The following ZC3H6 variants were observed in gnomAD, a reference collection of about 807,000 sequenced individuals.
ZC3H6 encodes the protein zinc finger CCCH-type containing 6.
ZC3H6 carries 40 observed loss-of-function variants against 107.7 expected under a neutral mutation model. The ratio of observed to expected loss-of-function variants is 0.37; its 90% CI spans 0.29 to 0.48. The LOEUF is 0.48. Among genes scored for constraint, ZC3H6 ranks in the 20% least tolerant of loss-of-function variants. ZC3H6 has a pLI of 0.98. For missense variants in ZC3H6, 1,267 were observed against 1,410.4 expected, an observed-to-expected ratio of 0.90 and a Z score of 1.63; for synonymous variants, 493 against 487.9, an observed-to-expected ratio of 1.01 and a Z score of -0.14.
At position 112,326,897 on chromosome 2, in the gene ZC3H6, G is replaced by A. The variant is rs576615056; in HGVS notation, c.2086+1700G>A. 4.1e-4 allele frequency among the ~76,000 whole-genome samples: 63 copies of A among 152,130 alleles called. 1 individual carries two copies. In the Middle Eastern group the frequency reaches 0.017, roughly 41 times the overall value. ...CAAAGTGCTGGGATTACAGGTGTGCGCCACCGTGCCTGGCCATTGTCTGTT... is the reference window on the plus strand; with the variant it reads ...CAAAGTGCTGGGATTACAGGTGTGCACCACCGTGCCTGGCCATTGTCTGTT... On this transcript the variant is annotated intron_variant, in intron 11 of 11. Transcript: ENST00000409871.
At chr2:112,328,663 G>A (rs890605699) in intron 11 of ZC3H6, among the ~76,000 whole-genome samples, 10 of 152,044 alleles carry the variant, frequency 6.6e-5, no homozygotes, top group African/African-American at 1.4e-4. Context: ...TCTTTCAGCC[G>A]GGCGCAGTGG....
chr2:112,289,725 T>C (rs1210616305), intron 1 of ZC3H6, among the ~76,000 whole-genome samples: 1 of 146,620 alleles, frequency 6.8e-6, no homozygotes, highest in Non-Finnish European at 1.5e-5. Flanking sequence ...TTTAAATATT[T>C]TTACCGTTTT....
At position 112,334,412 on chromosome 2, in the gene ZC3H6, A is replaced by G. The variant is rs1677103180; in HGVS notation, c.*1924A>G. On this transcript the variant is annotated 3_prime_UTR_variant, in exon 12 of 12. Transcript: ENST00000409871. Reference sequence around the variant, plus strand: ...CTGTTTACATTTTAAGCATCATACAAAAAAGATAATTTGGCTTGCTAAACA... The same window carrying G: ...CTGTTTACATTTTAAGCATCATACAGAAAAGATAATTTGGCTTGCTAAACA... 1.3e-5 allele frequency: 2 copies of G among 152,134 alleles called. No homozygotes were observed. Among genetic ancestry groups the G allele is most frequent in the Admixed American group, 6.5e-5 (1 of 15,278 alleles). 9.4% of individuals were successfully genotyped at this position (152,134 alleles called of 1,614,324 possible).
chr2:112,314,563 GGT>G (rs139897769), intron 5 of ZC3H6, among the ~76,000 whole-genome samples: 9 of 150,622 alleles, frequency 6.0e-5, no homozygotes, highest in Non-Finnish European at 8.9e-5. Flanking sequence ...CATTTTTCAG[GGT>G]GTGTGTGTGT....
intron 2 of ZC3H6, 107 bp from the exon 3 acceptor site, chr2:112,303,122 A>G: frequency 1.4e-6 from 2 of 1,381,322 alleles, no homozygotes; most frequent in Non-Finnish European, 2.0e-6. Flanking sequence ...TCCTGGAATA[A>G]TATAATCTAC....
At chr2:112,282,556 G>GT (rs1206858046) in intron 1 of ZC3H6, among the ~76,000 whole-genome samples, 1 of 152,130 alleles carries the variant, frequency 6.6e-6, no homozygotes, top group Non-Finnish European at 1.5e-5. Flanking sequence ...CAACAGATTG[G>GT]TAAGTTTCCC....
Position 112,275,818 on chromosome 2 carries a change from G to T in ZC3H6, c.-177G>T. ...CATCTCTCTGGCGTGGTTGTTAATA[G>T]ACTGGAAAGTCTGTGTCTGTGTCGC... On this transcript the variant is annotated 5_prime_UTR_variant, in exon 1 of 12. Transcript: ENST00000409871. 1.9e-6 allele frequency: 1 copy of T among 518,622 alleles called. No individual in the cohort carries two copies. The highest frequency in any genetic ancestry group is 2.7e-5 in the South Asian group (1 of 36,954). The allele number at this position is 518,622 out of a possible 1,614,324, so 32.1% of individuals were successfully genotyped here.
chr2:112,338,853 GTGTATATATATATATATATATATA>G lies in ZC3H6; in HGVS notation c.*6367_*6390del, dbSNP rs1677185164. The G allele has an allele frequency of 1.9e-5, 2 of 106,976 alleles. No homozygotes were observed. Among genetic ancestry groups the G allele is most frequent in the African/African-American group, 5.7e-5 (2 of 34,906 alleles). 6.6% of individuals were successfully genotyped at this position (106,976 alleles called of 1,614,324 possible). On this transcript the variant is annotated 3_prime_UTR_variant, in exon 12 of 12. Coordinates refer to ENST00000409871, the MANE Select transcript of ZC3H6 (RefSeq NM_198581.3). The stretch of plus-strand genomic sequence containing the variant: ...ACTATATATATATGTATGTATATGT[GTGTATATATATATATATATATATA>G]TATATATATATATATATATATATAT...
chr2:112,318,683 AT>A (rs1450583785), intron 7 of ZC3H6, among the ~76,000 whole-genome samples: 1 of 152,176 alleles, frequency 6.6e-6, no homozygotes, highest in Non-Finnish European at 1.5e-5. Flanking sequence ...AAAATGGTGC[AT>A]TCCTATGGAG....
Position 112,324,392 on chromosome 2 carries a change from T to C in ZC3H6, c.1581T>C (p.Gly527=), listed in dbSNP as rs776776999. Reference sequence around the variant, plus strand: ...CACCTGGTCCACCTGAAATTGTAGGTCCTCAAAATCAAGCTGGAGTGCTTG... The same window carrying C: ...CACCTGGTCCACCTGAAATTGTAGGCCCTCAAAATCAAGCTGGAGTGCTTG... ...PLPPGPPEIV[G]PQNQAGVLVQ... The change falls in exon 10 of 12, where the codon GGT becomes GGC. Residue 527 remains glycine (G), a synonymous_variant. Coordinates refer to ENST00000409871, the MANE Select transcript of ZC3H6 (RefSeq NM_198581.3). 3.1e-6 allele frequency: 5 copies of C among 1,613,844 alleles called. No individual in the cohort carries two copies. The African/African-American group carries it at 5.3e-5, about 17-fold the overall frequency.
In ZC3H6 at chr2:112,322,872, C is replaced by A; in HGVS notation, c.1310C>A (p.Thr437Asn). ...CTTTTTGAAATAGTTGTAAAACCTA[C>A]TGTGGATTTAGCGCATAAAATTGGG... is the stretch of plus-strand genomic sequence containing the variant. ...PSLFEIVVKP[T>N]VDLAHKIGRK... Residue 437 changes from threonine (T) to asparagine (N), a missense_variant, in exon 9 of 12, where the codon ACT (threonine) becomes AAT (asparagine). By Grantham distance (65) the Thr-to-Asn change is moderately conservative. This residue lies in a region of ZC3H6 where 925 missense variants were observed against 1,025.7 expected (regional missense o/e 0.90). Transcript: ENST00000409871. The A allele has an allele frequency of 6.2e-7, 1 of 1,606,880 alleles. No homozygotes were observed. Among genetic ancestry groups the A allele is most frequent in the African/African-American group, 1.3e-5 (1 of 74,624 alleles).
chr2:112,278,672 G>GA (rs1045701461), intron 1 of ZC3H6, among the ~76,000 whole-genome samples: 3 of 151,608 alleles, frequency 2.0e-5, no homozygotes, highest in African/African-American at 7.3e-5. Flanking sequence ...GTGTATGCAG[G>GA]AAAAAAAATG....
intron 1 of ZC3H6, among the ~76,000 whole-genome samples, chr2:112,287,375 GT>G (rs1056596103): frequency 6.6e-6 from 1 of 152,126 alleles, no homozygotes; most frequent in African/African-American, 2.4e-5. Context: ...AGCTAATTCA[GT>G]TTGACTTATT....
chr2:112,276,972 T>G (rs1335132775), intron 1 of ZC3H6, among the ~76,000 whole-genome samples: 1 of 152,132 alleles, frequency 6.6e-6, no homozygotes, highest in African/African-American at 2.4e-5. Context: ...AGAAAAAATA[T>G]ACGTTTTACT....
intron 1 of ZC3H6, among the ~76,000 whole-genome samples, chr2:112,293,589 C>T (rs1428198355): frequency 6.6e-6 from 1 of 152,206 alleles, no homozygotes; most frequent in African/African-American, 2.4e-5. Flanking sequence ...ATCACGAAAA[C>T]TCATGTCTGG....
chr2:112,326,889 A>T (rs1676915397), intron 11 of ZC3H6, among the ~76,000 whole-genome samples: 1 of 152,142 alleles, frequency 6.6e-6, no homozygotes. Flanking sequence ...CTGGGATTAC[A>T]GGTGTGCGCC....
Position 112,311,855 on chromosome 2 carries a change from CG to C in ZC3H6, c.666del (p.Lys223ArgfsTer38). 1 of 1,613,070 alleles carries C rather than the reference CG, an allele frequency of 6.2e-7. No homozygotes were observed. Among genetic ancestry groups the C allele is most frequent in the Non-Finnish European group, 8.5e-7 (1 of 1,179,500 alleles). Reference sequence around the variant, plus strand: ...AATGTTGGTCGTGGACGTGGCTTGCCGAAGAAAATCAAACGAAAAGAACGTG... The same window carrying C: ...AATGTTGGTCGTGGACGTGGCTTGCCAAGAAAATCAAACGAAAAGAACGTG... ...SFNVGRGRGL[P>X]KKIKRKERGG... On this transcript the variant is annotated frameshift_variant, in exon 5 of 12. Transcript: ENST00000409871. LOFTEE classifies it high-confidence loss of function.
rs1302853861 is a variant in ZC3H6, at chr2:112,318,137, A to C, written c.976+805A>C. ...TTTAAATTCTGTTGTCGTGTTTAAA[A>C]AATGTGAAAAAAAAGAAAGTGAATA... On this transcript the variant is annotated intron_variant, in intron 7 of 11. Transcript: ENST00000409871. Among the ~76,000 whole-genome samples the C allele has an allele frequency of 3.3e-5, 5 of 152,314 alleles. No individual in the cohort carries two copies. In the East Asian group the frequency reaches 9.6e-4, roughly 29 times the overall value.
intron 1 of ZC3H6, among the ~76,000 whole-genome samples, chr2:112,296,068 G>A (rs746555043): frequency 6.6e-6 from 1 of 152,014 alleles, no homozygotes; most frequent in Non-Finnish European, 1.5e-5. Context: ...AGATAGCAAA[G>A]TACACAATAC....
Sources: allele counts gnomAD v4.1 joint callset (sites outside exome capture counted in the v4.1 genomes callset), GRCh38; gene constraint gnomAD v4.1.1; regional missense constraint gnomAD v4.1.1; transcripts MANE v1.5; gene names NCBI Gene and HGNC (gene_info 2026-07-23, HGNC 2026-07-21).